RCVRN: variants seen among roughly 807,000 people sequenced by gnomAD.
RCVRN encodes recoverin, also known as cancer associated retinopathy antigen.
A neutral mutation model predicts 20.4 loss-of-function variants in RCVRN; 23 were observed. The observed-to-expected ratio is 1.13, with a 90% CI of 0.81 to 1.60. RCVRN has a LOEUF of 1.60. Among genes scored for constraint, RCVRN ranks in the 40% most tolerant of loss-of-function variants. The probability of loss-of-function intolerance (pLI) is 0.00; values close to 1 mark genes in which losing one functional copy is unlikely to be tolerated. For synonymous variants in RCVRN, 105 were observed against 105.9 expected (o/e 0.99, Z 0.05); for missense variants, 254 against 254.2 (o/e 1.00, Z 0.00).
At chr17:9,900,847 A>G (rs2067338344) in intron 2 of RCVRN, 142 bp downstream of exon 2, 5 of 575,532 alleles carry the variant, frequency 8.7e-6, no homozygotes, top group Non-Finnish European at 1.6e-5. Context: ...CAACCCTTCA[A>G]ACAGCTCTGA....
chr17:9,901,220 A>G, intron 1 of RCVRN, 120 bp from the exon 2 acceptor site: 1 of 504,486 alleles, frequency 2.0e-6, no homozygotes, highest in Non-Finnish European at 3.6e-6. Flanking sequence ...AGACTTAAAC[A>G]TAAGACCTCA....
intron 2 of RCVRN, among the ~76,000 whole-genome samples, 158 bp downstream of exon 2, chr17:9,900,831 C>G (rs1404089579): frequency 6.6e-6 from 1 of 152,180 alleles, no homozygotes; most frequent in Non-Finnish European, 1.5e-5. Context: ...AGGCCATTCC[C>G]CTGTCCAACC....
At position 9,899,697 on chromosome 17, in the gene RCVRN, C is replaced by T. The variant is rs528039524; in HGVS notation, c.493+1292G>A. Reference sequence around the variant, plus strand: ...GATGAGGGAAAGGTGGGTAAAGTACCAAGGCGCGAATTTAAGGAGGCGCTC... The same window carrying T: ...GATGAGGGAAAGGTGGGTAAAGTACTAAGGCGCGAATTTAAGGAGGCGCTC... On this transcript the variant is annotated intron_variant, in intron 2 of 2. Transcript: ENST00000226193. This position sits in a 1 kb window ranked among gnomAD's most constrained non-coding sequence, Gnocchi z 4.6. Among the ~76,000 whole-genome samples, 1 of 152,268 alleles carries T rather than the reference C, an allele frequency of 6.6e-6. No individual in the cohort carries two copies. Among genetic ancestry groups the T allele is most frequent in the East Asian group, 1.9e-4 (1 of 5,166 alleles).
rs62064485 is a variant in RCVRN, at chr17:9,897,400, G to C, written c.*695C>G. On this transcript the variant is annotated 3_prime_UTR_variant, in exon 3 of 3. Coordinates refer to ENST00000226193, the MANE Select transcript of RCVRN (RefSeq NM_002903.3). ...CCCCGTCCCCCGCCTCGTGTGCAGT[G>C]GTTCTGAATTTAAATCTCCCTTCGT... 0.16 allele frequency: 23,789 copies of C among 151,188 alleles called. 2,507 individuals carry two copies. The highest frequency in any genetic ancestry group is 0.24 in the Non-Finnish European group (16,007 of 67,790). 9.4% of individuals were successfully genotyped at this position (151,188 alleles called of 1,614,324 possible).
rs1007541408 is a variant in RCVRN, at chr17:9,897,950, G to A, written c.*145C>T. ...TGGCAGGGAGCTGTGCTGTGGGCTT[G>A]TGTGCAGGCCTTTCTCTTGGCCCTG... is the stretch of plus-strand genomic sequence containing the variant. On this transcript the variant is annotated 3_prime_UTR_variant, in exon 3 of 3. Coordinates refer to ENST00000226193, the MANE Select transcript of RCVRN (RefSeq NM_002903.3). 1.2e-5 allele frequency: 8 copies of A among 653,242 alleles called. No individual in the cohort carries two copies. Among genetic ancestry groups the A allele is most frequent in the Non-Finnish European group, 2.2e-5 (8 of 362,146 alleles). The allele number at this position is 653,242 out of a possible 1,614,324, so 40.5% of individuals were successfully genotyped here. A position where few individuals can be genotyped will look rare whatever the true frequency, so the allele number is the denominator to read the frequency against.
Position 9,904,463 on chromosome 17 carries a change from C to T in RCVRN, c.381+337G>A, listed in dbSNP as rs548791798. ...GAAAAATAAAGTAACTGTGCTATGACGTCACTAGGCAGTAGGAATTTTTCA... is the reference window on the plus strand; with the variant it reads ...GAAAAATAAAGTAACTGTGCTATGATGTCACTAGGCAGTAGGAATTTTTCA... On this transcript the variant is annotated intron_variant, in intron 1 of 2. Coordinates refer to ENST00000226193, the MANE Select transcript of RCVRN (RefSeq NM_002903.3). The surrounding 1 kb of genome is among the most constrained non-coding windows in gnomAD (Gnocchi z 5.8). Among the ~76,000 whole-genome samples, 136 of 152,186 alleles carry T rather than the reference C, an allele frequency of 8.9e-4. No homozygotes were observed. The highest frequency in any genetic ancestry group is 1.8e-3 in the Non-Finnish European group (123 of 68,040).
rs764404029 is a variant in RCVRN, at chr17:9,905,150, T to C, written c.31A>G (p.Lys11Glu). MGNSKSGALS[K>E]EILEELQLNT... The stretch of plus-strand genomic sequence containing the variant: ...AGCTGCAGCTCCTCCAGGATCTCCT[T>C]GGACAGGGCCCCACTTTTGCTGTTC... Residue 11 changes from lysine (K) to glutamate (E), a missense_variant, in exon 1 of 3, where the codon AAG (lysine) becomes GAG (glutamate). Physicochemically the swap from Lys to Glu is moderately conservative, Grantham distance 56. Coordinates refer to ENST00000226193, the MANE Select transcript of RCVRN (RefSeq NM_002903.3). The C allele has an allele frequency of 6.2e-7, 1 of 1,610,404 alleles. No individual in the cohort carries two copies. Among genetic ancestry groups the C allele is most frequent in the East Asian group, 2.2e-5 (1 of 44,730 alleles).
In RCVRN at chr17:9,903,451, T is replaced by A. The variant is rs570375036; in HGVS notation, c.381+1349A>T. Among the ~76,000 whole-genome samples the A allele has an allele frequency of 2.5e-3, 384 of 152,354 alleles. 4 individuals are homozygous for A. Among genetic ancestry groups the A allele is most frequent in the African/African-American group, 8.9e-3 (371 of 41,576 alleles). ...GCCGCGCGTGGGAAGCGGGGGCTCA[T>A]GCGTGGTGCCATGATCCGCCCCGCG... is the stretch of plus-strand genomic sequence containing the variant. On this transcript the variant is annotated intron_variant, in intron 1 of 2. Coordinates refer to ENST00000226193, the MANE Select transcript of RCVRN (RefSeq NM_002903.3).
chr17:9,905,006 C>T lies in RCVRN; in HGVS notation c.175G>A (p.Asp59Asn), dbSNP rs773244400. The T allele has an allele frequency of 3.1e-6, 5 of 1,614,052 alleles. No homozygotes were observed. Among genetic ancestry groups the T allele is most frequent in the Non-Finnish European group, 4.2e-6 (5 of 1,179,982 alleles). Residue 59 changes from aspartate (D) to asparagine (N), a missense_variant, in exon 1 of 3, where the codon GAC (aspartate) becomes AAC (asparagine). By Grantham distance (23) the Asp-to-Asn change is conservative. Transcript: ENST00000226193. ...FQSIYAKFFP[D>N]TDPKAYAQHV... ...TGGGCGTAGGCCTTGGGGTCGGTGT[C>T]GGGGAAGAACTTGGCGTAGATGCTC... is the stretch of plus-strand genomic sequence containing the variant.
intron 1 of RCVRN, among the ~76,000 whole-genome samples, chr17:9,903,431 G>A (rs961211266): frequency 3.3e-5 from 5 of 152,234 alleles, no homozygotes; most frequent in South Asian, 2.1e-4. Context: ...GCCACGCCGC[G>A]CGTGGGAAGC....
At position 9,901,116 on chromosome 17, in the gene RCVRN, A is replaced by T. The variant is rs376647226; in HGVS notation, c.382-16T>A. Reference sequence around the variant, plus strand: ...TGAAAATAGCCTGTACCAAACAGAAAGAAAGAACTCGTTAGGAGGAACTTT... The same window carrying T: ...TGAAAATAGCCTGTACCAAACAGAATGAAAGAACTCGTTAGGAGGAACTTT... On this transcript the variant is annotated splice_polypyrimidine_tract_variant and intron_variant, in intron 1 of 2. Coordinates refer to ENST00000226193, the MANE Select transcript of RCVRN (RefSeq NM_002903.3). 952 of 1,470,886 alleles carry T rather than the reference A, an allele frequency of 6.5e-4. 1 individual carries two copies. The highest frequency in any genetic ancestry group is 7.3e-4 in the Non-Finnish European group (776 of 1,061,616). The allele number at this position is 1,470,886 out of a possible 1,614,324, so 91.1% of individuals were successfully genotyped here.
chr17:9,902,795 C>G (rs12450332), intron 1 of RCVRN, among the ~76,000 whole-genome samples: 3 of 151,864 alleles, frequency 2.0e-5, no homozygotes, highest in Admixed American at 1.3e-4. Context: ...GTCAGGAGTT[C>G]GAGACCAGCC....
chr17:9,903,080 C>T (rs6503265), intron 1 of RCVRN, among the ~76,000 whole-genome samples: 77,219 of 151,916 alleles, frequency 0.51, 19,733 homozygotes, highest in East Asian at 0.55. Flanking sequence ...GATAAAAAAT[C>T]GTATGTGAAT....
Position 9,897,215 on chromosome 17 carries a change from G to A in RCVRN, c.*880C>T, listed in dbSNP as rs2152053696. The A allele has an allele frequency of 1.3e-5, 2 of 152,200 alleles. No individual in the cohort carries two copies. The highest frequency in any genetic ancestry group is 3.4e-3 in the Middle Eastern group (1 of 290). The allele number at this position is 152,200 out of a possible 1,614,324, so 9.4% of individuals were successfully genotyped here. A position where few individuals can be genotyped will look rare whatever the true frequency, so the allele number is the denominator to read the frequency against. On this transcript the variant is annotated 3_prime_UTR_variant, in exon 3 of 3. Coordinates refer to ENST00000226193, the MANE Select transcript of RCVRN (RefSeq NM_002903.3). ...ACAGGCTGCAGGGAGGGCTTTGCGTGGTCCAGCCCCCGCCTACCTTTTAGA... is the reference window on the plus strand; with the variant it reads ...ACAGGCTGCAGGGAGGGCTTTGCGTAGTCCAGCCCCCGCCTACCTTTTAGA...
intron 1 of RCVRN, among the ~76,000 whole-genome samples, chr17:9,902,758 G>A (rs1264327898): frequency 2.0e-5 from 3 of 152,332 alleles, no homozygotes; most frequent in Middle Eastern, 3.4e-3. Flanking sequence ...AGCACTTTGG[G>A]AGGCCGAGGC....
intron 1 of RCVRN, among the ~76,000 whole-genome samples, chr17:9,901,807 T>C (rs2067343065): frequency 6.6e-6 from 1 of 152,094 alleles, no homozygotes; most frequent in African/African-American, 2.4e-5. Context: ...AATAATCAAA[T>C]CCTCACCCTG....
chr17:9,903,216 G>T (rs1335505326), intron 1 of RCVRN, among the ~76,000 whole-genome samples: 1 of 152,166 alleles, frequency 6.6e-6, no homozygotes, highest in Non-Finnish European at 1.5e-5. Context: ...CTTTTGCCTA[G>T]GTTTCTAAAT....
Position 9,904,687 on chromosome 17 carries a change from G to C in RCVRN, c.381+113C>G, listed in dbSNP as rs1442812924. ...ACCACGCTCTCAGAGCCAGTGGCCC[G>C]CATCCCCCGCTCCACCCACAGATCC... is the stretch of plus-strand genomic sequence containing the variant. On this transcript the variant is annotated intron_variant, in intron 1 of 2. Transcript: ENST00000226193. This position sits in a 1 kb window ranked among gnomAD's most constrained non-coding sequence, Gnocchi z 5.8. The C allele has an allele frequency of 1.3e-5, 16 of 1,245,362 alleles. No individual in the cohort carries two copies. Among genetic ancestry groups the C allele is most frequent in the Admixed American group, 4.3e-5 (2 of 46,982 alleles). The allele number at this position is 1,245,362 out of a possible 1,614,324, so 77.1% of individuals were successfully genotyped here.
rs1451142736 is a variant in RCVRN at position 9,896,736 on chromosome 17, T to A, written c.*1359A>T. The A allele has an allele frequency of 2.0e-5, 3 of 152,268 alleles. No homozygotes were observed. The highest frequency in any genetic ancestry group is 2.9e-5 in the Non-Finnish European group (2 of 68,066). 9.4% of individuals were successfully genotyped at this position (152,268 alleles called of 1,614,324 possible). ...CATTGGGACTCCTTTTCCTTGTCTC[T>A]AAAACAAGGGGCTTTAGGGCCATCT... On this transcript the variant is annotated 3_prime_UTR_variant, in exon 3 of 3. Coordinates refer to ENST00000226193, the MANE Select transcript of RCVRN (RefSeq NM_002903.3).
Sources: gnomAD v4.1 joint callset for allele counts (sites outside exome capture counted in the v4.1 genomes callset) on GRCh38, gnomAD v4.1.1 for gene constraint, Gnocchi (gnomAD v3.1) non-coding constraint, MANE v1.5 for transcripts, NCBI Gene and HGNC (gene_info 2026-07-23, HGNC 2026-07-21) for gene names.